Variants in CAMKMT observed in about 807,000 individuals in gnomAD.
CAMKMT encodes calmodulin-lysine N-methyltransferase.
CAMKMT carries 53 observed loss-of-function variants against 48.0 expected under a neutral mutation model. The observed-to-expected ratio is 1.10, with a 90% confidence interval of 0.89 to 1.39. CAMKMT has a LOEUF of 1.39. Among genes scored for constraint, CAMKMT ranks in the 40% most tolerant of loss-of-function variants. CAMKMT has a pLI of 0.00. For synonymous variants in CAMKMT, 165 were observed against 152.3 expected, an observed-to-expected ratio of 1.08 and a Z score of -0.61; for missense variants, 428 against 402.7, an observed-to-expected ratio of 1.06 and a Z score of -0.54.
intron 3 of CAMKMT, among the ~76,000 whole-genome samples, chr2:44,440,938 T>C (rs555725370): frequency 5.4e-4 from 83 of 152,310 alleles, no homozygotes; most frequent in African/African-American, 1.9e-3. Flanking sequence ...TTTTCTCTTT[T>C]CTTAAAATGG....
intron 3 of CAMKMT, among the ~76,000 whole-genome samples, chr2:44,642,948 T>C (rs935009719): frequency 4.6e-5 from 7 of 152,178 alleles, no homozygotes; most frequent in East Asian, 1.9e-4. Context: ...GTTTATGGCA[T>C]GGTTGTAAGC....
intron 3 of CAMKMT, among the ~76,000 whole-genome samples, chr2:44,629,773 A>G (rs1040205277): frequency 2.0e-5 from 3 of 152,228 alleles, no homozygotes; most frequent in African/African-American, 4.8e-5. Context: ...AGAACATTCT[A>G]TGCTCACGGG....
At chr2:44,670,766 A>G (rs1204183901) in intron 3 of CAMKMT, among the ~76,000 whole-genome samples, 1 of 152,146 alleles carries the variant, frequency 6.6e-6, no homozygotes. Flanking sequence ...TAAAATTTGC[A>G]TTTCTAGAAA....
chr2:44,719,932 A>G (rs1678371337), intron 7 of CAMKMT, among the ~76,000 whole-genome samples: 1 of 152,200 alleles, frequency 6.6e-6, no homozygotes, highest in African/African-American at 2.4e-5. Flanking sequence ...GAATTATAGT[A>G]ACAGAATCCT....
At chr2:44,555,747 C>T (rs1449804566) in intron 3 of CAMKMT, among the ~76,000 whole-genome samples, 2 of 152,044 alleles carry the variant, frequency 1.3e-5, no homozygotes, top group Non-Finnish European at 2.9e-5. Flanking sequence ...AAAGGTAATG[C>T]CCAAAGAGGA....
At chr2:44,514,225 T>A (rs1464595781) in intron 3 of CAMKMT, among the ~76,000 whole-genome samples, 1 of 152,132 alleles carries the variant, frequency 6.6e-6, no homozygotes, top group Non-Finnish European at 1.5e-5. Context: ...TGTCCGGGGC[T>A]AGGACCTATA....
At chr2:44,555,094 A>G (rs993208317) in intron 3 of CAMKMT, among the ~76,000 whole-genome samples, 11 of 152,138 alleles carry the variant, frequency 7.2e-5, no homozygotes, top group African/African-American at 1.7e-4. Flanking sequence ...GCAGCAGCAA[A>G]AGAATAAACT....
intron 3 of CAMKMT, among the ~76,000 whole-genome samples, chr2:44,663,435 G>A (rs969485830): frequency 2.0e-5 from 3 of 152,150 alleles, no homozygotes; most frequent in Non-Finnish European, 4.4e-5. Flanking sequence ...AAATCAGTCT[G>A]TTCATCTTTG....
intron 3 of CAMKMT, among the ~76,000 whole-genome samples, chr2:44,486,079 C>T (rs1484008719): frequency 6.6e-6 from 1 of 152,194 alleles, no homozygotes; most frequent in Non-Finnish European, 1.5e-5. Context: ...ATTCTCATGC[C>T]TCAGCCTCCT....
intron 3 of CAMKMT, among the ~76,000 whole-genome samples, chr2:44,611,310 G>C (rs1671585460): frequency 6.6e-6 from 1 of 152,030 alleles, no homozygotes; most frequent in East Asian, 1.9e-4. Context: ...GTACACACCT[G>C]TAATCCCAGC....
chr2:44,417,068 G>A (rs1278644854), intron 3 of CAMKMT, among the ~76,000 whole-genome samples: 1 of 151,978 alleles, frequency 6.6e-6, no homozygotes, highest in East Asian at 1.9e-4. Context: ...TGGGTTGCTG[G>A]GATTACAGAC....
intron 1 of CAMKMT, 125 bp downstream of exon 1, chr2:44,362,270 G>A: frequency 1.2e-6 from 1 of 845,864 alleles, no homozygotes; most frequent in Non-Finnish European, 1.7e-6. Context: ...TTTGCCGGGA[G>A]CCACCTGCGA....
intron 3 of CAMKMT, among the ~76,000 whole-genome samples, chr2:44,666,427 G>A (rs967421065): frequency 7.3e-5 from 11 of 151,604 alleles, no homozygotes; most frequent in African/African-American, 2.2e-4. Context: ...GAGCCCTTTG[G>A]CCCCCAGAAT....
At chr2:44,770,684 G>A (rs1380404821) in intron 10 of CAMKMT, among the ~76,000 whole-genome samples, 2 of 152,010 alleles carry the variant, frequency 1.3e-5, no homozygotes, top group Admixed American at 6.5e-5. Context: ...CCGGTCAGTG[G>A]GTATGGACTG....
chr2:44,562,070 G>A (rs1041089279), intron 3 of CAMKMT, among the ~76,000 whole-genome samples: 1 of 152,160 alleles, frequency 6.6e-6, no homozygotes, highest in African/African-American at 2.4e-5. Flanking sequence ...AGATCAAGCT[G>A]ATGCTTGGAA....
intron 3 of CAMKMT, among the ~76,000 whole-genome samples, chr2:44,560,204 C>G (rs1267798600): frequency 6.6e-6 from 1 of 152,160 alleles, no homozygotes; most frequent in Non-Finnish European, 1.5e-5. Flanking sequence ...TTTTCTTAGT[C>G]TTGTCCATAA....
chr2:44,569,699 CCTAGT>C (rs1184892065), intron 3 of CAMKMT, among the ~76,000 whole-genome samples: 2 of 152,260 alleles, frequency 1.3e-5, no homozygotes, highest in Admixed American at 1.3e-4. Flanking sequence ...AAGCTTGGGC[CCTAGT>C]CATCGCCAAT....
At chr2:44,445,556 C>T (rs914777605) in intron 3 of CAMKMT, among the ~76,000 whole-genome samples, 1 of 151,794 alleles carries the variant, frequency 6.6e-6, no homozygotes, top group African/African-American at 2.4e-5. Flanking sequence ...GATGCACCCT[C>T]CAAACTGGGA....
At chr2:44,536,428 G>C (rs953199926) in intron 3 of CAMKMT, among the ~76,000 whole-genome samples, 19 of 151,662 alleles carry the variant, frequency 1.3e-4, no homozygotes, top group African/African-American at 4.4e-4. Context: ...GGGTTCCAGT[G>C]ATTCTCCTAC....
Sources: allele counts gnomAD v4.1 joint callset (sites outside exome capture counted in the v4.1 genomes callset), GRCh38; gene constraint gnomAD v4.1.1; transcripts MANE v1.5; gene names NCBI Gene and HGNC (gene_info 2026-07-23, HGNC 2026-07-21).